ALOX15: variants seen among roughly 807,000 people sequenced by gnomAD.
The protein encoded by ALOX15 is arachidonate 15-lipoxygenase, also known as polyunsaturated fatty acid lipoxygenase ALOX15.
In ALOX15, 68 loss-of-function variants were observed where a neutral mutation model predicts 71.7. The ratio of observed to expected loss-of-function variants is 0.95; its 90% CI spans 0.78 to 1.16. ALOX15 has a LOEUF of 1.16. Ranked by LOEUF, ALOX15 falls within the 50% of genes most tolerant of loss-of-function variation. The pLI is 0.00. For missense variants in ALOX15, 798 were observed against 818.8 expected, an observed-to-expected ratio of 0.97 and a Z score of 0.31; for synonymous variants, 346 against 333.3, an observed-to-expected ratio of 1.04 and a Z score of -0.42.
Position 4,632,843 on chromosome 17 carries a change from G to A in ALOX15, c.1540+18C>T. On this transcript the variant is annotated intron_variant, in intron 11 of 13. Coordinates refer to ENST00000293761, the MANE Select transcript of ALOX15 (RefSeq NM_001140.5). Reference sequence around the variant, plus strand: ...TTGGGCTTTGTGTCTGAGATCTCAGGGCAGGGGCTCCTCTTACCTCGGTCC... The same window carrying A: ...TTGGGCTTTGTGTCTGAGATCTCAGAGCAGGGGCTCCTCTTACCTCGGTCC... 1.2e-6 allele frequency: 2 copies of A among 1,613,994 alleles called. No individual in the cohort carries two copies. The highest frequency in any genetic ancestry group is 1.3e-5 in the African/African-American group (1 of 75,006).
chr17:4,639,787 C>A (rs1199570081), intron 1 of ALOX15, 156 bp from the exon 2 acceptor site: 6 of 715,918 alleles, frequency 8.4e-6, no homozygotes, highest in Non-Finnish European at 1.3e-5. Context: ...AGAGGGACCG[C>A]GCCGAGCAGG....
chr17:4,641,307 G>A (rs1311602686), intron 1 of ALOX15, among the ~76,000 whole-genome samples: 1 of 152,168 alleles, frequency 6.6e-6, no homozygotes, highest in East Asian at 1.9e-4. Flanking sequence ...AGGAGATCGG[G>A]TAGCGGCAAC....
chr17:4,631,262 T>C lies in ALOX15; in HGVS notation c.*338A>G. The C allele has an allele frequency of 4.1e-6, 1 of 240,998 alleles. No homozygotes were observed. The highest frequency in any genetic ancestry group is 8.0e-6 in the Non-Finnish European group (1 of 124,410). The allele number at this position is 240,998 out of a possible 1,614,324, so 14.9% of individuals were successfully genotyped here. A position where few individuals can be genotyped will look rare whatever the true frequency, so the allele number is the denominator to read the frequency against. Reference sequence around the variant, plus strand: ...CAACAAAAAAATCATATTTGATTCATAAAAGGTGTGGAGTAATATGTATTA... The same window carrying C: ...CAACAAAAAAATCATATTTGATTCACAAAAGGTGTGGAGTAATATGTATTA... On this transcript the variant is annotated 3_prime_UTR_variant, in exon 14 of 14. Transcript: ENST00000293761.
intron 2 of ALOX15, 129 bp from the exon 3 acceptor site, chr17:4,639,261 G>A (rs1205785172): frequency 1.4e-6 from 2 of 1,383,848 alleles, no homozygotes; most frequent in Non-Finnish European, 2.0e-6. Flanking sequence ...CCCTCCCCCA[G>A]GCTCCAGCCA....
chr17:4,634,652 G>A (rs1463362665), intron 8 of ALOX15, among the ~76,000 whole-genome samples: 1 of 151,340 alleles, frequency 6.6e-6, no homozygotes, highest in Non-Finnish European at 1.5e-5. Context: ...GCTTTATATA[G>A]ATATATATCA....
At chr17:4,640,105 G>A (rs985838435) in intron 1 of ALOX15, among the ~76,000 whole-genome samples, 3 of 120,232 alleles carry the variant, frequency 2.5e-5, no homozygotes, top group African/African-American at 9.5e-5. Flanking sequence ...GCAGGGGAAA[G>A]GCGCGCAGAA....
intron 9 of ALOX15, 46 bp downstream of exon 9, chr17:4,633,368 A>G (rs927897328): frequency 6.2e-7 from 1 of 1,611,760 alleles, no homozygotes; most frequent in South Asian, 1.1e-5. Flanking sequence ...CTGAATCCAG[A>G]GCTGGAAAAA....
Position 4,641,673 on chromosome 17 carries a change from C to A in ALOX15, c.-22G>T. On this transcript the variant is annotated 5_prime_UTR_variant, in exon 1 of 14. Transcript: ENST00000293761. ...CCATCTTGCTCAAAGATGTTTCGCT[C>A]CTTCTGGTGGAGAAGGGTGGACGAG... 6.8e-7 allele frequency: 1 copy of A among 1,476,416 alleles called. No individual in the cohort carries two copies. The highest frequency in any genetic ancestry group is 8.9e-7 in the Non-Finnish European group (1 of 1,118,748). The allele number at this position is 1,476,416 out of a possible 1,614,324, so 91.5% of individuals were successfully genotyped here.
Position 4,633,219 on chromosome 17 carries a change from C to CCCCAGGAGCCCCAT in ALOX15, c.1344_1345insATGGGGCTCCTGGG (p.Asp449MetfsTer12). The CCCCAGGAGCCCCAT allele has an allele frequency of 6.2e-7, 1 of 1,614,158 alleles. No homozygotes were observed. The highest frequency in any genetic ancestry group is 8.5e-7 in the Non-Finnish European group (1 of 1,180,032). On this transcript the variant is annotated frameshift_variant, in exon 10 of 14. Transcript: ENST00000293761. LOFTEE classifies it high-confidence loss of function. The stretch of plus-strand genomic sequence containing the variant: ...GACTTCACTCCCAGGAGCCCCCGGT[C>CCCCAGGAGCCCCAT]GGCCAAGTCATCAGGGGGACAGAAG...
Position 4,631,926 on chromosome 17 carries a change from G to A in ALOX15, c.1772C>T (p.Ser591Phe). 1.2e-6 allele frequency: 2 copies of A among 1,613,796 alleles called. No individual in the cohort carries two copies. The highest frequency in any genetic ancestry group is 1.7e-6 in the Non-Finnish European group (2 of 1,179,820). ...GCGTCTGCCCAGCTGCCAAGTGATG[G>A]ACATCTGGAGAGAAGCCTGGTGGAA... is the stretch of plus-strand genomic sequence containing the variant. ...PNFHQASLQM[S>F]ITWQLGRRQP... The change falls in exon 13 of 14, where the codon TCC (serine) becomes TTC (phenylalanine). Residue 591 changes from serine to phenylalanine, a missense_variant. By Grantham distance (155) the Ser-to-Phe change is radical. This residue lies in a region of ALOX15 where 490 missense variants were observed against 509.4 expected (regional missense o/e 0.96). Transcript: ENST00000293761.
chr17:4,631,901 G>A lies in ALOX15; in HGVS notation c.1797C>T (p.Arg599=). The change falls in exon 13 of 14, where the codon CGC becomes CGT. Residue 599 remains arginine, a synonymous_variant. Coordinates refer to ENST00000293761, the MANE Select transcript of ALOX15 (RefSeq NM_001140.5). ...QMSITWQLGR[R]QPVMVAVGQH... The stretch of plus-strand genomic sequence containing the variant: ...ACTCAGCTCTCACCATAACGGGCTG[G>A]CGTCTGCCCAGCTGCCAAGTGATGG... 6.2e-7 allele frequency: 1 copy of A among 1,612,040 alleles called. No individual in the cohort carries two copies. The highest frequency in any genetic ancestry group is 8.5e-7 in the Non-Finnish European group (1 of 1,178,798).
rs4076189 is a variant in ALOX15 at position 4,638,563 on chromosome 17, C to T, written c.646+18G>A. On this transcript the variant is annotated intron_variant, in intron 5 of 13. Coordinates refer to ENST00000293761, the MANE Select transcript of ALOX15 (RefSeq NM_001140.5). ...GGGATCTGGGGGGTTGGGAGACATA[C>T]TGGGGTGGGGGACTGACCAGCCAGC... The T allele has an allele frequency of 1.9e-6, 3 of 1,611,770 alleles. No individual in the cohort carries two copies. The highest frequency in any genetic ancestry group is 2.2e-5 in the East Asian group (1 of 44,874).
rs1421451422 is a variant in ALOX15, at chr17:4,633,212, C to A, written c.1352G>T (p.Gly451Val). Residue 451 changes from glycine to valine, a missense_variant, in exon 10 of 14, where the codon GGG becomes GTG. Gly to Val is a moderately radical substitution (Grantham distance 109). Around this residue, in one of 3 missense-constraint regions of ALOX15, gnomAD observed 490 missense variants for 509.4 expected, o/e 0.96. Transcript: ENST00000293761. ...FCPPDDLADR[G>V]LLGVKSSFYA... ...GAAGGAAGACTTCACTCCCAGGAGC[C>A]CCCGGTCGGCCAAGTCATCAGGGGG... The A allele has an allele frequency of 6.2e-7, 1 of 1,614,188 alleles. No homozygotes were observed. The highest frequency in any genetic ancestry group is 8.5e-7 in the Non-Finnish European group (1 of 1,180,030).
intron 8 of ALOX15, among the ~76,000 whole-genome samples, chr17:4,634,843 G>C (rs1911038585): frequency 6.6e-6 from 1 of 151,748 alleles, no homozygotes; most frequent in Admixed American, 6.6e-5. Context: ...GCCAGGCATG[G>C]TGGCAGGCAC....
chr17:4,633,977 C>T (rs1390951165), intron 8 of ALOX15, among the ~76,000 whole-genome samples: 1 of 152,132 alleles, frequency 6.6e-6, no homozygotes, highest in Non-Finnish European at 1.5e-5. Context: ...GAGAGCTAAA[C>T]ATTGAGTACA....
In ALOX15 at chr17:4,632,376, G is replaced by C. The variant is rs568551669; in HGVS notation, c.1541-95C>G. 16 of 1,023,838 alleles carry C rather than the reference G, an allele frequency of 1.6e-5. No individual in the cohort carries two copies. In the African/African-American group the frequency reaches 2.5e-4, roughly 16 times the overall value. 63.4% of individuals were successfully genotyped at this position (1,023,838 alleles called of 1,614,324 possible). ...GAGAGGAGAACAAGGGCGAGAAAGA[G>C]CGGCAGGAATGCTCAGTTAACTCTT... On this transcript the variant is annotated intron_variant, in intron 11 of 13. Coordinates refer to ENST00000293761, the MANE Select transcript of ALOX15 (RefSeq NM_001140.5).
intron 4 of ALOX15, 57 bp from the exon 5 acceptor site, chr17:4,638,741 G>A (rs746373194): frequency 1.5e-5 from 25 of 1,612,964 alleles, no homozygotes; most frequent in East Asian, 6.7e-5. Context: ...CTAACATGAC[G>A]ACCACAGGCA....
In ALOX15 at chr17:4,633,223, C is replaced by A. The variant is rs1412658753; in HGVS notation, c.1341G>T (p.Leu447Phe). ...TCACTCCCAGGAGCCCCCGGTCGGC[C>A]AAGTCATCAGGGGGACAGAAGGAGC... ...TYSSFCPPDD[L>F]ADRGLLGVKS... Residue 447 changes from leucine to phenylalanine, a missense_variant, in exon 10 of 14, where the codon TTG becomes TTT. Transcript: ENST00000293761. 1.2e-6 allele frequency: 2 copies of A among 1,614,184 alleles called. No homozygotes were observed. The highest frequency in any genetic ancestry group is 1.7e-6 in the Non-Finnish European group (2 of 1,180,038).
rs141061806 is a variant in ALOX15, at chr17:4,631,894, C to T, written c.1804G>A (p.Val602Ile). Residue 602 changes from valine (V) to isoleucine (I), a missense_variant, in exon 13 of 14, where the codon GTT (valine) becomes ATT (isoleucine). Physicochemically the swap from Val to Ile is conservative, Grantham distance 29 (BLOSUM62 3). Coordinates refer to ENST00000293761, the MANE Select transcript of ALOX15 (RefSeq NM_001140.5). ...CCTGGGCACTCAGCTCTCACCATAA[C>T]GGGCTGGCGTCTGCCCAGCTGCCAA... The part of the protein sequence containing the change: ...ITWQLGRRQP[V>I]MVAVGQHEEE... 6 of 1,610,974 alleles carry T rather than the reference C, an allele frequency of 3.7e-6. No individual in the cohort carries two copies. The highest frequency in any genetic ancestry group is 2.2e-5 in the South Asian group (2 of 90,510).
Sources: allele counts gnomAD v4.1 joint callset (sites outside exome capture counted in the v4.1 genomes callset), GRCh38; gene constraint gnomAD v4.1.1; regional missense constraint gnomAD v4.1.1; transcripts MANE v1.5; gene names NCBI Gene and HGNC (gene_info 2026-07-23, HGNC 2026-07-21).